Variants in B3GALT1 observed in about 807,000 individuals in gnomAD.
B3GALT1 encodes the protein beta-1,3-galactosyltransferase 1.
Under a neutral mutation model 23.2 loss-of-function variants are expected in B3GALT1, and 10 were observed. The observed-to-expected ratio is 0.43, with a 90% CI of 0.27 to 0.73. B3GALT1 has a LOEUF of 0.73. B3GALT1 is among the 30% of genes least tolerant of loss of function. The probability of loss-of-function intolerance (pLI) is 0.21; values close to 1 mark genes in which losing one functional copy is unlikely to be tolerated. For synonymous variants in B3GALT1, 156 were observed against 141.5 expected, an observed-to-expected ratio of 1.10 and a Z score of -0.73; for missense variants, 299 against 405.4, an observed-to-expected ratio of 0.74 and a Z score of 2.25.
At chr2:167,515,165 A>T (rs1700081347) in intron 2 of B3GALT1, among the ~76,000 whole-genome samples, 1 of 152,144 alleles carries the variant, frequency 6.6e-6, no homozygotes, top group Admixed American at 6.5e-5. Context: ...TGGGAAACAA[A>T]AATAATGTTT....
At chr2:167,330,298 T>C (rs1183400317) in intron 1 of B3GALT1, among the ~76,000 whole-genome samples, 1 of 146,722 alleles carries the variant, frequency 6.8e-6, no homozygotes, top group Admixed American at 6.6e-5. Context: ...ATCTAGTCTA[T>C]TGTTGAAGCT....
intron 2 of B3GALT1, among the ~76,000 whole-genome samples, chr2:167,559,749 G>T (rs554345222): frequency 7.8e-4 from 119 of 152,186 alleles, no homozygotes; most frequent in African/African-American, 2.8e-3. Flanking sequence ...AAGGGAAGTT[G>T]AGAGAAAAAA....
intron 1 of B3GALT1, among the ~76,000 whole-genome samples, chr2:167,452,252 G>A (rs1007290579): frequency 2.0e-5 from 3 of 152,076 alleles, no homozygotes; most frequent in Non-Finnish European, 4.4e-5. Context: ...ACAAAGTTCA[G>A]CTGGAAGTTT....
At chr2:167,320,495 A>G (rs1696793562) in intron 1 of B3GALT1, among the ~76,000 whole-genome samples, 1 of 151,874 alleles carries the variant, frequency 6.6e-6, no homozygotes, top group Non-Finnish European at 1.5e-5. Flanking sequence ...GCCCTGAACT[A>G]TCATCTAAGA....
At chr2:167,412,284 T>C (rs538230345) in intron 1 of B3GALT1, among the ~76,000 whole-genome samples, 1 of 152,272 alleles carries the variant, frequency 6.6e-6, no homozygotes, top group African/African-American at 2.4e-5. Context: ...CAAATTTCTA[T>C]TCATCACATG....
chr2:167,380,970 G>A (rs952104905), intron 1 of B3GALT1, among the ~76,000 whole-genome samples: 1 of 152,170 alleles, frequency 6.6e-6, no homozygotes, highest in African/African-American at 2.4e-5. Flanking sequence ...TGATCTTTAT[G>A]TACTATCTTG....
chr2:167,512,977 TTTA>T (rs889758464), intron 2 of B3GALT1, among the ~76,000 whole-genome samples: 5 of 147,776 alleles, frequency 3.4e-5, no homozygotes, highest in African/African-American at 7.4e-5. Context: ...TGTGTAAATA[TTTA>T]TTATTTAATA....
chr2:167,693,762 T>C (rs1686750472), intron 3 of B3GALT1, among the ~76,000 whole-genome samples: 2 of 152,152 alleles, frequency 1.3e-5, no homozygotes, highest in African/African-American at 4.8e-5. Context: ...GTCTCTTCCC[T>C]GTTCTTCTAT....
chr2:167,863,330 T>C (rs1690142616), intron 4 of B3GALT1, among the ~76,000 whole-genome samples: 1 of 152,140 alleles, frequency 6.6e-6, no homozygotes, highest in African/African-American at 2.4e-5. Flanking sequence ...GTCCTCAGGA[T>C]CTAAAACCAT....
chr2:167,319,596 G>A (rs1316898859), intron 1 of B3GALT1, among the ~76,000 whole-genome samples: 2 of 151,874 alleles, frequency 1.3e-5, no homozygotes, highest in Admixed American at 1.3e-4. Flanking sequence ...TGATACTATT[G>A]GCTTAATTTT....
intron 3 of B3GALT1, among the ~76,000 whole-genome samples, chr2:167,738,123 C>T (rs1687521513): frequency 6.6e-6 from 1 of 152,130 alleles, no homozygotes; most frequent in African/African-American, 2.4e-5. Flanking sequence ...AGTGCAAGCT[C>T]TCAGATCTTA....
intron 1 of B3GALT1, among the ~76,000 whole-genome samples, chr2:167,429,586 A>C (rs1436658437): frequency 6.6e-6 from 1 of 152,178 alleles, no homozygotes; most frequent in Non-Finnish European, 1.5e-5. Flanking sequence ...TATTTAAAAG[A>C]AAAAATAAGC....
chr2:167,845,291 C>T (rs946144385), intron 4 of B3GALT1, among the ~76,000 whole-genome samples: 3 of 152,160 alleles, frequency 2.0e-5, no homozygotes, highest in South Asian at 2.1e-4. Flanking sequence ...CCAAGCAGCA[C>T]AAAAACAAAG....
intron 3 of B3GALT1, among the ~76,000 whole-genome samples, chr2:167,657,930 A>G (rs770000698): frequency 6.6e-6 from 1 of 152,170 alleles, no homozygotes; most frequent in African/African-American, 2.4e-5. Flanking sequence ...ATCAAAATCT[A>G]TTCATTTGTC....
chr2:167,691,908 A>G (rs1488360091), intron 3 of B3GALT1, among the ~76,000 whole-genome samples: 1 of 152,170 alleles, frequency 6.6e-6, no homozygotes, highest in East Asian at 1.9e-4. Flanking sequence ...ACTCGTACAT[A>G]AAGTAAGTAG....
At chr2:167,407,382 A>G (rs1698300739) in intron 1 of B3GALT1, among the ~76,000 whole-genome samples, 1 of 152,216 alleles carries the variant, frequency 6.6e-6, no homozygotes, top group South Asian at 2.1e-4. Context: ...GCCTATATCA[A>G]AAAAGTAAAA....
chr2:167,765,296 A>G (rs1315265660), intron 3 of B3GALT1, among the ~76,000 whole-genome samples: 1 of 152,128 alleles, frequency 6.6e-6, no homozygotes, highest in East Asian at 1.9e-4. Flanking sequence ...ACGTGTATAC[A>G]AACAACAATC....
intron 1 of B3GALT1, among the ~76,000 whole-genome samples, chr2:167,447,756 C>G (rs1046333571): frequency 4.6e-5 from 7 of 152,180 alleles, no homozygotes; most frequent in African/African-American, 1.4e-4. Context: ...CAGGTGCCGT[C>G]TGTCACAGCT....
At chr2:167,693,523 C>T (rs1476273884) in intron 3 of B3GALT1, among the ~76,000 whole-genome samples, 1 of 152,100 alleles carries the variant, frequency 6.6e-6, no homozygotes. Context: ...GCTCAATCTA[C>T]AGTCTTTTGC....
Sources: allele counts gnomAD v4.1 joint callset (sites outside exome capture counted in the v4.1 genomes callset), GRCh38; gene constraint gnomAD v4.1.1; transcripts MANE v1.5; gene names NCBI Gene and HGNC (gene_info 2026-07-23, HGNC 2026-07-21).